Variants in POGLUT3 observed in about 807,000 individuals in gnomAD.
The protein encoded by POGLUT3 is KDEL (Lys-Asp-Glu-Leu) containing 2.
A neutral mutation model predicts 54.3 loss-of-function variants in POGLUT3; 48 were observed. The ratio of observed to expected loss-of-function variants is 0.88; its 90% confidence interval spans 0.70 to 1.12. The LOEUF (loss-of-function observed/expected upper bound fraction) is 1.12. Among genes scored for constraint, POGLUT3 ranks in the 50% most tolerant of loss-of-function variants. POGLUT3 has a pLI of 0.00. For missense variants in POGLUT3, 629 were observed against 618.7 expected (o/e 1.02, Z -0.18); for synonymous variants, 218 against 237.4 (o/e 0.92, Z 0.75).
At chr11:108,495,015 C>T (rs2093619745) in intron 1 of POGLUT3, among the ~76,000 whole-genome samples, 1 of 152,154 alleles carries the variant, frequency 6.6e-6, no homozygotes, top group Non-Finnish European at 1.5e-5. Context: ...TTTGTGAACC[C>T]CAGTTTGAGA....
At chr11:108,484,287 T>C (rs2093598548) in intron 3 of POGLUT3, among the ~76,000 whole-genome samples, 1 of 152,156 alleles carries the variant, frequency 6.6e-6, no homozygotes, top group Non-Finnish European at 1.5e-5. Flanking sequence ...AGTTGACTAG[T>C]TGTAGCCCGG....
In POGLUT3 at chr11:108,498,382, A is replaced by G. The variant is rs1249540737; in HGVS notation, c.-16T>C. ...GGCGGCGCATGGTCGGCGGGGCACA[A>G]CTGCGGTCCAGCTCCGCGGCGGCGA... On this transcript the variant is annotated 5_prime_UTR_variant, in exon 1 of 8. Coordinates refer to ENST00000323468, the MANE Select transcript of POGLUT3 (RefSeq NM_153705.5). 2 of 1,278,176 alleles carry G rather than the reference A, an allele frequency of 1.6e-6. No individual in the cohort carries two copies. Among genetic ancestry groups the G allele is most frequent in the African/African-American group, 1.6e-5 (1 of 63,668 alleles). 79.2% of individuals were successfully genotyped at this position (1,278,176 alleles called of 1,614,324 possible).
chr11:108,498,168 C>A lies in POGLUT3; in HGVS notation c.199G>T (p.Ala67Ser). 6.6e-7 allele frequency: 1 copy of A among 1,512,222 alleles called. No individual in the cohort carries two copies. Among genetic ancestry groups the A allele is most frequent in the Non-Finnish European group, 8.8e-7 (1 of 1,131,440 alleles). The allele number at this position is 1,512,222 out of a possible 1,614,324, so 93.7% of individuals were successfully genotyped here. A position where few individuals can be genotyped will look rare whatever the true frequency, so the allele number is the denominator to read the frequency against. ...SEGQNLTRSPAGETPFKVVVK... is the reference protein window; with the variant it reads ...SEGQNLTRSPSGETPFKVVVK... ...GAGGCCGGCGGCTGGACACTACCTG[C>A]GGGAGAGCGAGTGAGGTTCTGGCCC... is the stretch of plus-strand genomic sequence containing the variant. Residue 67 changes from alanine (A) to serine (S), a missense_variant, in exon 1 of 8, where the codon GCA becomes TCA. Transcript: ENST00000323468.
At chr11:108,485,547 T>C (rs1209798894) in intron 3 of POGLUT3, among the ~76,000 whole-genome samples, 2 of 152,178 alleles carry the variant, frequency 1.3e-5, no homozygotes. Flanking sequence ...GAAGTAACCT[T>C]GTTATAAATC....
At chr11:108,480,180 A>G (rs2093589826) in intron 5 of POGLUT3, among the ~76,000 whole-genome samples, 2 of 152,226 alleles carry the variant, frequency 1.3e-5, no homozygotes, top group African/African-American at 4.8e-5. Context: ...ACTGATAACA[A>G]TGAACACTTT....
intron 1 of POGLUT3, 101 bp downstream of exon 1, chr11:108,498,064 G>T: frequency 9.5e-7 from 1 of 1,057,686 alleles, no homozygotes; most frequent in Middle Eastern, 3.0e-4. Context: ...GGCGACACAC[G>T]CCGGGGAGGG....
intron 3 of POGLUT3, among the ~76,000 whole-genome samples, chr11:108,484,261 C>T (rs2135854002): frequency 6.6e-6 from 1 of 152,208 alleles, no homozygotes; most frequent in East Asian, 1.9e-4. Flanking sequence ...ATTAAAGAGG[C>T]AAGAATACAG....
At chr11:108,495,265 G>A (rs978882693) in intron 1 of POGLUT3, among the ~76,000 whole-genome samples, 1 of 152,198 alleles carries the variant, frequency 6.6e-6, no homozygotes, top group African/African-American at 2.4e-5. Flanking sequence ...CAGCCTCCCA[G>A]GCTCAAGAGA....
At chr11:108,498,107 G>GGCGGGGACGCGCGGGGACCCGGCC in intron 1 of POGLUT3, 58 bp downstream of exon 1, 1 of 1,417,480 alleles carries the variant, frequency 7.1e-7, no homozygotes, top group Non-Finnish European at 9.3e-7. Flanking sequence ...ACTCCCGGGC[G>GGCGGGGACGCGCGGGGACCCGGCC]GCGGGGACGC....
rs776752136 is a variant in POGLUT3, at chr11:108,486,139, A to G, written c.684+18T>C. Reference sequence around the variant, plus strand: ...CCTAAATAATTAAACTGTATTATCAATTCATTCATTCTCCTACCTTTCTTG... The same window carrying G: ...CCTAAATAATTAAACTGTATTATCAGTTCATTCATTCTCCTACCTTTCTTG... On this transcript the variant is annotated intron_variant, in intron 3 of 7. Coordinates refer to ENST00000323468, the MANE Select transcript of POGLUT3 (RefSeq NM_153705.5). 33 of 1,551,416 alleles carry G rather than the reference A, an allele frequency of 2.1e-5. No homozygotes were observed. The highest frequency in any genetic ancestry group is 8.2e-5 in the African/African-American group (6 of 73,424).
intron 3 of POGLUT3, among the ~76,000 whole-genome samples, chr11:108,482,872 A>C (rs1473430383): frequency 6.6e-6 from 1 of 152,226 alleles, no homozygotes; most frequent in African/African-American, 2.4e-5. Flanking sequence ...AGAATCTACA[A>C]AGTTAGAACC....
Position 108,486,222 on chromosome 11 carries a change from A to G in POGLUT3, c.619T>C (p.Ser207Pro). ...TILNNHVYRR[S>P]LGKYTDFKMF... ...TTGAAGTCTGTGTATTTCCCTAAAG[A>G]TCTCCGGTAAACATGGTTATTGAGA... is the stretch of plus-strand genomic sequence containing the variant. Residue 207 changes from serine (S) to proline (P), a missense_variant, in exon 3 of 8, where the codon TCT becomes CCT. Ser to Pro is a moderately conservative substitution (Grantham distance 74). Transcript: ENST00000323468. 6.2e-7 allele frequency: 1 copy of G among 1,613,914 alleles called. No individual in the cohort carries two copies. Among genetic ancestry groups the G allele is most frequent in the Non-Finnish European group, 8.5e-7 (1 of 1,179,806 alleles).
chr11:108,486,188 G>A lies in POGLUT3; in HGVS notation c.653C>T (p.Ser218Phe), dbSNP rs1366877538. The change falls in exon 3 of 8, where the codon TCT (serine) becomes TTT (phenylalanine). Residue 218 changes from serine (S) to phenylalanine (F), a missense_variant. Transcript: ENST00000323468. ...LGKYTDFKMF[S>F]DEILLSLTRK... ...TGTCAATGATAACAAAATCTCATCA[G>A]AGAACATCTTGAAGTCTGTGTATTT... 3 of 1,612,456 alleles carry A rather than the reference G, an allele frequency of 1.9e-6. No homozygotes were observed. Among genetic ancestry groups the A allele is most frequent in the African/African-American group, 1.3e-5 (1 of 74,878 alleles).
rs2093573900 is a variant in POGLUT3 at position 108,473,393 on chromosome 11, CTT to C, written c.*1432_*1433del. ...TTTAAAATTTGGAATGAGGATAGCT[CTT>C]GTTTTAGAACATGCACTTTAGTGAA... On this transcript the variant is annotated 3_prime_UTR_variant, in exon 8 of 8. Coordinates refer to ENST00000323468, the MANE Select transcript of POGLUT3 (RefSeq NM_153705.5). 1 of 152,192 alleles carries C rather than the reference CTT, an allele frequency of 6.6e-6. No homozygotes were observed. Among genetic ancestry groups the C allele is most frequent in the African/African-American group, 2.4e-5 (1 of 41,434 alleles). 9.4% of individuals were successfully genotyped at this position (152,192 alleles called of 1,614,324 possible).
rs760904974 is a variant in POGLUT3, at chr11:108,482,179, C to A, written c.728G>T (p.Trp243Leu). The change falls in exon 4 of 8, where the codon TGG becomes TTG. Residue 243 changes from tryptophan (W) to leucine (L), a missense_variant. Physicochemically the swap from Trp to Leu is moderately conservative, Grantham distance 61 (BLOSUM62 -2). Coordinates refer to ENST00000323468, the MANE Select transcript of POGLUT3 (RefSeq NM_153705.5). Reference protein sequence around the residue: ...DLEFYVNLGDWPLEHRKVNGT... With the variant: ...DLEFYVNLGDLPLEHRKVNGT... ...ATTGACTTTTCGATGCTCCAAGGGC[C>A]AATCTCCAAGATTAACATAAAATTC... is the stretch of plus-strand genomic sequence containing the variant. 1.1e-5 allele frequency: 18 copies of A among 1,613,944 alleles called. No individual in the cohort carries two copies. The South Asian group carries it at 1.8e-4, about 16-fold the overall frequency.
intron 3 of POGLUT3, among the ~76,000 whole-genome samples, chr11:108,484,396 A>C (rs949087791): frequency 6.6e-6 from 1 of 152,202 alleles, no homozygotes; most frequent in African/African-American, 2.4e-5. Context: ...ATTTAAAGTA[A>C]GAACTGACTG....
At chr11:108,496,701 G>T (rs1291143196) in intron 1 of POGLUT3, among the ~76,000 whole-genome samples, 3 of 152,212 alleles carry the variant, frequency 2.0e-5, no homozygotes, top group Admixed American at 6.5e-5. Context: ...AACTTCAGGA[G>T]TGGTGTTCTG....
Position 108,498,318 on chromosome 11 carries a change from G to A in POGLUT3, c.49C>T (p.Leu17=), listed in dbSNP as rs2093626325. 4 of 1,420,834 alleles carry A rather than the reference G, an allele frequency of 2.8e-6. No homozygotes were observed. The African/African-American group carries it at 4.5e-5, about 16-fold the overall frequency. The allele number at this position is 1,420,834 out of a possible 1,614,324, so 88.0% of individuals were successfully genotyped here. A position where few individuals can be genotyped will look rare whatever the true frequency, so the allele number is the denominator to read the frequency against. ...ALLLQLRLAL[L]VAAGAPEVLV... ...ACCTCCGGGGCCCCCGCGGCCACCA[G>A]CAGGGCGAGGCGCAGCTGCAGCAGC... The change falls in exon 1 of 8, where the codon CTG becomes TTG. Residue 17 remains leucine (L), a synonymous_variant. Coordinates refer to ENST00000323468, the MANE Select transcript of POGLUT3 (RefSeq NM_153705.5).
In POGLUT3 at chr11:108,479,468, T is replaced by A; in HGVS notation, c.1126A>T (p.Thr376Ser). The A allele has an allele frequency of 6.2e-7, 1 of 1,600,942 alleles. No homozygotes were observed. The highest frequency in any genetic ancestry group is 1.1e-5 in the South Asian group (1 of 87,896). ...TATGGATATCTGTAAGCAGCCACGG[T>A]CCCATCCACATTTACTTGATACTTG... ...KYKYQVNVDG[T>S]VAAYRYPYLM... Residue 376 changes from threonine to serine, a missense_variant, in exon 6 of 8, where the codon ACC becomes TCC. Physicochemically the swap from Thr to Ser is moderately conservative, Grantham distance 58. Coordinates refer to ENST00000323468, the MANE Select transcript of POGLUT3 (RefSeq NM_153705.5).
Sources: allele counts gnomAD v4.1 joint callset (sites outside exome capture counted in the v4.1 genomes callset), GRCh38; gene constraint gnomAD v4.1.1; transcripts MANE v1.5; gene names NCBI Gene and HGNC (gene_info 2026-07-23, HGNC 2026-07-21).